Variants in ZNF883 observed in about 807,000 individuals in gnomAD.
ZNF883 encodes the protein zinc finger protein 883.
At chr9:113,000,257 A>G (rs560816909), upstream of ZNF883, among the ~76,000 whole-genome samples, 1 of 152,336 alleles carries the variant, frequency 6.6e-6, no homozygotes, top group South Asian at 2.1e-4. Flanking sequence ...ATTCAAATGT[A>G]TGTATGTTTT....
chr9:112,991,707 G>A (rs1828304896), intron 1 of ZNF883, among the ~76,000 whole-genome samples: 1 of 152,144 alleles, frequency 6.6e-6, no homozygotes, highest in African/African-American at 2.4e-5. Context: ...GTTATTGTGT[G>A]GGAATCTAAG....
At chr9:113,006,964 G>C (rs771573610) in intron 2 of ZNF883, among the ~76,000 whole-genome samples, 1 of 152,146 alleles carries the variant, frequency 6.6e-6, no homozygotes, top group African/African-American at 2.4e-5. Flanking sequence ...GGGAAGCTGA[G>C]GCAGGCAGAT....
chr9:113,002,329 G>A (rs1587896206), upstream of ZNF883, among the ~76,000 whole-genome samples: 1 of 152,078 alleles, frequency 6.6e-6, no homozygotes, highest in Non-Finnish European at 1.5e-5. Context: ...AAAAAGCTAA[G>A]AAAATATTGC....
downstream of ZNF883, among the ~76,000 whole-genome samples, chr9:112,993,829 A>G (rs2118601690): frequency 6.6e-6 from 1 of 152,344 alleles, no homozygotes; most frequent in East Asian, 1.9e-4. Flanking sequence ...CAGTCTGGTT[A>G]TAACCTTTTA....
intron 2 of ZNF883, among the ~76,000 whole-genome samples, chr9:113,009,234 A>T (rs1282906564): frequency 6.6e-6 from 1 of 152,174 alleles, no homozygotes; most frequent in African/African-American, 2.4e-5. Flanking sequence ...ACCGAACACC[A>T]TCACCTCCTA....
At chr9:112,996,789 TCAAAAAAAAAAAAA>T (rs1393864594), downstream of ZNF883, among the ~76,000 whole-genome samples, 1 of 28,300 alleles carries the variant, frequency 3.5e-5, no homozygotes, top group African/African-American at 1.5e-4. Flanking sequence ...AGACTCCGTC[TCAAAAAAAAAAAAA>T]AAAAAAAAAA....
chr9:112,989,218 A>G (rs1202402220), intron 1 of ZNF883, among the ~76,000 whole-genome samples: 2 of 152,212 alleles, frequency 1.3e-5, no homozygotes, highest in African/African-American at 2.4e-5. Flanking sequence ...TATGTCCTGA[A>G]TGATATTGCC....
chr9:113,000,655 A>G (rs1168207682), upstream of ZNF883, among the ~76,000 whole-genome samples: 3 of 152,148 alleles, frequency 2.0e-5, no homozygotes, highest in Admixed American at 6.6e-5. Context: ...TTTCTAGCCA[A>G]GGAGGCTGGA....
At chr9:112,999,946 G>A (rs183211010), upstream of ZNF883, 1 of 152,210 alleles carries the variant, frequency 6.6e-6, no homozygotes, top group East Asian at 1.9e-4. Flanking sequence ...TCTTTTTAGT[G>A]ATCAGATCCA....
chr9:112,998,022 G>A, exon 1 of ZNF883: 1 of 1,613,662 alleles, frequency 6.2e-7, no homozygotes, highest in Non-Finnish European at 8.5e-7. Context: ...TTAGTGCTCT[G>A]ACTAAAAGCT....
chr9:112,997,163 C>T (rs116612685), exon 1 of ZNF883: 31 of 1,610,280 alleles, frequency 1.9e-5, no homozygotes, highest in East Asian at 1.8e-4. Context: ...TTTCTGATGT[C>T]GAATTAAGGA....
intron 2 of ZNF883, among the ~76,000 whole-genome samples, chr9:113,003,998 A>G (rs1174325674): frequency 2.0e-5 from 3 of 152,196 alleles, no homozygotes; most frequent in Non-Finnish European, 4.4e-5. Flanking sequence ...ATCACTGCAG[A>G]TGTAATTAGT....
upstream of ZNF883, among the ~76,000 whole-genome samples, chr9:113,000,056 C>G (rs1828408384): frequency 6.6e-6 from 1 of 152,090 alleles, no homozygotes; most frequent in Non-Finnish European, 1.5e-5. Context: ...AAAAGATATT[C>G]CTATCACTCA....
chr9:113,011,794 T>TA (rs1828541428), intron 1 of ZNF883, among the ~76,000 whole-genome samples: 2 of 152,028 alleles, frequency 1.3e-5, no homozygotes, highest in African/African-American at 4.8e-5. Context: ...TGGTTGCCCC[T>TA]CCCCAGATAA....
At chr9:113,003,426 GAATGGACTAATA>G (rs1462688375) in intron 2 of ZNF883, among the ~76,000 whole-genome samples, 1 of 152,110 alleles carries the variant, frequency 6.6e-6, no homozygotes, top group Non-Finnish European at 1.5e-5. Context: ...AGCAGCATGA[GAATGGACTAATA>G]CACCTTGTTT....
downstream of ZNF883, among the ~76,000 whole-genome samples, chr9:112,992,800 G>T (rs750932733): frequency 2.0e-5 from 3 of 151,888 alleles, no homozygotes; most frequent in Non-Finnish European, 4.4e-5. Context: ...AATCTTGTCT[G>T]CCCGTCTTAT....
chr9:113,009,845 G>A (rs914478693), intron 2 of ZNF883, among the ~76,000 whole-genome samples: 1 of 152,096 alleles, frequency 6.6e-6, no homozygotes, highest in African/African-American at 2.4e-5. Context: ...TACCAGTGAA[G>A]CCTTCTCTTA....
rs544025294 is a variant in ZNF883, at chr9:112,997,166, A to T, written n.1094T>A. 9.9e-6 allele frequency: 16 copies of T among 1,611,644 alleles called. No individual in the cohort carries two copies. In the South Asian group the frequency reaches 1.7e-4, roughly 17 times the overall value. On this transcript the variant is annotated non_coding_transcript_exon_variant, in exon 1 of 1. Coordinates refer to ENST00000639662, the Ensembl canonical transcript of ZNF883. ...TCTGAAATGAGTTTTCTGATGTCGAATTAAGGATGTACTATGACAAAAGAC... is the reference window on the plus strand; with the variant it reads ...TCTGAAATGAGTTTTCTGATGTCGATTTAAGGATGTACTATGACAAAAGAC...
At chr9:112,997,135 T>C (rs761465793) in exon 1 of ZNF883, 1 of 1,603,726 alleles carries the variant, frequency 6.2e-7, no homozygotes, top group South Asian at 1.1e-5. Context: ...CTGCTAAGGT[T>C]TCCTTTCTGA....
Sources: allele counts gnomAD v4.1 joint callset (sites outside exome capture counted in the v4.1 genomes callset), GRCh38; gene constraint gnomAD v4.1.1; transcripts MANE v1.5; gene names NCBI Gene and HGNC (gene_info 2026-07-23, HGNC 2026-07-21).